Variants in MACROD2 observed in about 807,000 individuals in gnomAD.
The protein encoded by MACROD2 is ADP-ribose glycohydrolase MACROD2.
In MACROD2, 36 loss-of-function variants were observed where a neutral mutation model predicts 70.4. That is an observed-to-expected ratio of 0.51 (90% confidence interval 0.39 to 0.68). The LOEUF (loss-of-function observed/expected upper bound fraction) is 0.68. MACROD2 is among the 30% of genes least tolerant of loss of function. The probability of loss-of-function intolerance (pLI) is 0.00; values close to 1 mark genes in which losing one functional copy is unlikely to be tolerated. For missense variants in MACROD2, 496 were observed against 538.4 expected (o/e 0.92, Z 0.78); for synonymous variants, 172 against 178.8 (o/e 0.96, Z 0.30).
intron 9 of MACROD2, among the ~76,000 whole-genome samples, chr20:15,881,827 A>G (rs953139899): frequency 6.6e-5 from 10 of 152,178 alleles, no homozygotes; most frequent in Non-Finnish European, 1.2e-4. Context: ...GGCTATACCC[A>G]GAAATGAACA....
intron 6 of MACROD2, among the ~76,000 whole-genome samples, chr20:15,234,253 C>T (rs1362213741): frequency 6.7e-6 from 1 of 148,762 alleles, no homozygotes; most frequent in African/African-American, 2.5e-5. Context: ...AGGATGGTCT[C>T]GATCTCCTGA....
At chr20:15,964,159 A>G (rs777472869) in intron 12 of MACROD2, among the ~76,000 whole-genome samples, 24 of 152,214 alleles carry the variant, frequency 1.6e-4, no homozygotes, top group Admixed American at 9.8e-4. Flanking sequence ...ATGCAACTAC[A>G]TTTTTCAGGG....
At chr20:14,207,914 A>G (rs1020132861) in intron 3 of MACROD2, among the ~76,000 whole-genome samples, 5 of 152,222 alleles carry the variant, frequency 3.3e-5, no homozygotes, top group Non-Finnish European at 7.3e-5. Flanking sequence ...GAATTTTCAA[A>G]TGCCAGCCAA....
intron 5 of MACROD2, among the ~76,000 whole-genome samples, chr20:14,800,415 G>A (rs1453671615): frequency 1.3e-5 from 2 of 152,020 alleles, no homozygotes; most frequent in Non-Finnish European, 2.9e-5. Flanking sequence ...TGGAATTATG[G>A]ATTAAATTAG....
chr20:14,745,544 AGC>A (rs1229856992), intron 5 of MACROD2, among the ~76,000 whole-genome samples: 1 of 152,206 alleles, frequency 6.6e-6, no homozygotes, highest in Non-Finnish European at 1.5e-5. Context: ...ATAGACTTTC[AGC>A]CATCCAATTC....
chr20:14,314,173 T>A (rs1418932173), intron 3 of MACROD2, among the ~76,000 whole-genome samples: 4 of 152,222 alleles, frequency 2.6e-5, no homozygotes, highest in East Asian at 1.9e-4. Flanking sequence ...TAATCTTTTT[T>A]AAAAAATTAT....
At chr20:14,050,399 C>G (rs1226291494) in intron 2 of MACROD2, among the ~76,000 whole-genome samples, 3 of 152,320 alleles carry the variant, frequency 2.0e-5, no homozygotes, top group East Asian at 3.9e-4. Flanking sequence ...AGCCTATAAT[C>G]TGCTTTGCAA....
At chr20:15,744,720 AC>A (rs1394508730) in intron 8 of MACROD2, among the ~76,000 whole-genome samples, 1 of 151,714 alleles carries the variant, frequency 6.6e-6, no homozygotes, top group East Asian at 1.9e-4. Flanking sequence ...ACACACACAC[AC>A]ACACACACAC....
chr20:14,342,422 G>A (rs1463608299), intron 3 of MACROD2, among the ~76,000 whole-genome samples: 1 of 151,988 alleles, frequency 6.6e-6, no homozygotes, highest in Non-Finnish European at 1.5e-5. Flanking sequence ...ATTTGTAGAC[G>A]CTCTCAAGTC....
intron 6 of MACROD2, among the ~76,000 whole-genome samples, chr20:15,312,142 T>C (rs1337367126): frequency 6.6e-6 from 1 of 152,210 alleles, no homozygotes; most frequent in East Asian, 1.9e-4. Flanking sequence ...AGACTATCTT[T>C]GAACTATTCT....
chr20:14,010,411 T>C (rs1261549951), intron 2 of MACROD2, among the ~76,000 whole-genome samples: 1 of 151,848 alleles, frequency 6.6e-6, no homozygotes, highest in Non-Finnish European at 1.5e-5. Flanking sequence ...AGAGGGAAGG[T>C]AGAGGGGGAG....
chr20:15,524,892 G>A (rs1330359023), intron 8 of MACROD2, among the ~76,000 whole-genome samples: 1 of 152,226 alleles, frequency 6.6e-6, no homozygotes. Flanking sequence ...GAGCAAAGTA[G>A]AACATTTCTA....
chr20:15,578,919 T>C (rs563222348), intron 8 of MACROD2, among the ~76,000 whole-genome samples: 4 of 152,218 alleles, frequency 2.6e-5, no homozygotes, highest in Non-Finnish European at 5.9e-5. Context: ...GATAAACAGA[T>C]AGATATAGCG....
chr20:14,049,955 G>T (rs2053541933), intron 2 of MACROD2, among the ~76,000 whole-genome samples: 1 of 151,702 alleles, frequency 6.6e-6, no homozygotes, highest in Non-Finnish European at 1.5e-5. Flanking sequence ...GTGGTGGCAG[G>T]TCCCTATAAT....
At chr20:14,879,047 C>T (rs1163787191) in intron 5 of MACROD2, among the ~76,000 whole-genome samples, 2 of 152,126 alleles carry the variant, frequency 1.3e-5, no homozygotes, top group African/African-American at 2.4e-5. Context: ...TTTTGTGCTT[C>T]TGTGGTTTTC....
At chr20:14,108,018 A>G (rs1278835949) in intron 3 of MACROD2, among the ~76,000 whole-genome samples, 6 of 152,160 alleles carry the variant, frequency 3.9e-5, no homozygotes, top group African/African-American at 1.2e-4. Context: ...ACTCAAGTAC[A>G]AAGACTAAAT....
chr20:14,484,679 A>G (rs1011994622), intron 3 of MACROD2, among the ~76,000 whole-genome samples: 2 of 152,206 alleles, frequency 1.3e-5, no homozygotes, highest in African/African-American at 4.8e-5. Context: ...CAAATAAGTG[A>G]GAACATGCAA....
intron 3 of MACROD2, among the ~76,000 whole-genome samples, chr20:14,173,179 A>C (rs998313654): frequency 1.3e-5 from 2 of 152,100 alleles, no homozygotes; most frequent in Non-Finnish European, 2.9e-5. Context: ...TTGGATGTCC[A>C]GATCTCTAGC....
chr20:15,896,286 C>G (rs1212126751), intron 10 of MACROD2, among the ~76,000 whole-genome samples: 1 of 152,174 alleles, frequency 6.6e-6, no homozygotes, highest in Admixed American at 6.5e-5. Context: ...CCCTGGCCCA[C>G]TTCCCACCCT....
Sources: gnomAD v4.1 joint callset for allele counts (sites outside exome capture counted in the v4.1 genomes callset) on GRCh38, gnomAD v4.1.1 for gene constraint, MANE v1.5 for transcripts, NCBI Gene and HGNC (gene_info 2026-07-23, HGNC 2026-07-21) for gene names.